Variants in RPS6KC1 observed in about 807,000 individuals in gnomAD.
RPS6KC1 encodes the protein inactive ribosomal protein S6 kinase delta-1.
Under a neutral mutation model 103.8 loss-of-function variants are expected in RPS6KC1, and 54 were observed. The observed-to-expected ratio is 0.52, with a 90% confidence interval of 0.42 to 0.65. The LOEUF (loss-of-function observed/expected upper bound fraction) is 0.65. Ranked by LOEUF, RPS6KC1 falls within the 30% of genes least tolerant of loss-of-function variation. RPS6KC1 has a pLI of 0.00. For missense variants in RPS6KC1, 1,151 were observed against 1,253.8 expected, an observed-to-expected ratio of 0.92 and a Z score of 1.24; for synonymous variants, 439 against 438.7, an observed-to-expected ratio of 1.00 and a Z score of -0.01.
the RPS6KC1 span, among the ~76,000 whole-genome samples, chr1:213,522,038 C>G: frequency 6.6e-6 from 1 of 152,202 alleles, no homozygotes; most frequent in Non-Finnish European, 1.5e-5. Context: ...TTACTTTCCC[C>G]AGATTCATCA....
At chr1:213,082,066 G>A (rs550841465) in intron 3 of RPS6KC1, among the ~76,000 whole-genome samples, 4 of 152,134 alleles carry the variant, frequency 2.6e-5, no homozygotes, top group Non-Finnish European at 5.9e-5. Flanking sequence ...AATGTGGAGT[G>A]GTTTTGAAAT....
the RPS6KC1 span, among the ~76,000 whole-genome samples, chr1:213,675,062 C>A: frequency 6.6e-6 from 1 of 152,132 alleles, no homozygotes; most frequent in Non-Finnish European, 1.5e-5. Flanking sequence ...GCATTGTTTG[C>A]AAATATTTTC....
At chr1:213,684,923 T>C in the RPS6KC1 span, among the ~76,000 whole-genome samples, 1 of 152,248 alleles carries the variant, frequency 6.6e-6, no homozygotes, top group Non-Finnish European at 1.5e-5. Flanking sequence ...GCTCAATTCA[T>C]TGGATTCTGC....
At chr1:213,135,852 T>C (rs1461985579) in intron 6 of RPS6KC1, among the ~76,000 whole-genome samples, 4 of 152,190 alleles carry the variant, frequency 2.6e-5, no homozygotes, top group Non-Finnish European at 5.9e-5. Context: ...GACTTACAGA[T>C]TCTCTGTTCT....
intron 8 of RPS6KC1, among the ~76,000 whole-genome samples, chr1:213,198,849 A>G (rs1005927433): frequency 2.0e-5 from 3 of 152,208 alleles, no homozygotes; most frequent in Non-Finnish European, 4.4e-5. Flanking sequence ...TGAGGCCAGC[A>G]TTATTCTATT....
the RPS6KC1 span, among the ~76,000 whole-genome samples, chr1:213,721,892 T>C: frequency 6.6e-6 from 1 of 152,166 alleles, no homozygotes; most frequent in African/African-American, 2.4e-5. Context: ...ACAACTGGTG[T>C]TGAAAGGCAG....
chr1:213,626,802 C>T, the RPS6KC1 span, among the ~76,000 whole-genome samples: 1 of 152,168 alleles, frequency 6.6e-6, no homozygotes, highest in African/African-American at 2.4e-5. Context: ...GTTTTGGTAC[C>T]AGTACCATGC....
chr1:213,192,445 A>G (rs917498439), intron 8 of RPS6KC1, among the ~76,000 whole-genome samples: 1 of 152,154 alleles, frequency 6.6e-6, no homozygotes, highest in Admixed American at 6.6e-5. Context: ...GAGTAGTTTC[A>G]GTAGGACTGG....
At position 213,179,822 on chromosome 1, in the gene RPS6KC1, CACT is replaced by C. The variant is rs1204676918; in HGVS notation, c.1044+3332_1044+3334del. ...ACAAAATTGTGTCTTTCTTGGTCAC[CACT>C]ATGTTCTCAGTACCTAGAATCGCTT... On this transcript the variant is annotated intron_variant, in intron 8 of 14. Transcript: ENST00000366960. Among the ~76,000 whole-genome samples, 7 of 152,224 alleles carry C rather than the reference CACT, an allele frequency of 4.6e-5. No individual in the cohort carries two copies. In the East Asian group the frequency reaches 1.3e-3, roughly 29 times the overall value.
the RPS6KC1 span, among the ~76,000 whole-genome samples, chr1:213,445,904 T>C: frequency 6.6e-6 from 1 of 152,150 alleles, no homozygotes; most frequent in Non-Finnish European, 1.5e-5. Flanking sequence ...CTCCATTCTA[T>C]AGACTGAGAA....
At chr1:213,839,255 A>C in the RPS6KC1 span, among the ~76,000 whole-genome samples, 1 of 152,240 alleles carries the variant, frequency 6.6e-6, no homozygotes, top group Admixed American at 6.5e-5. Context: ...TCAGAGGAGA[A>C]GGAGATGCAC....
intron 5 of RPS6KC1, among the ~76,000 whole-genome samples, chr1:213,118,157 T>TA (rs1312470047): frequency 6.6e-6 from 1 of 152,022 alleles, no homozygotes; most frequent in Non-Finnish European, 1.5e-5. Context: ...ATGTTTTTGA[T>TA]ATGTTTTTAA....
At chr1:213,269,505 AG>A (rs1322364896) in intron 14 of RPS6KC1, among the ~76,000 whole-genome samples, 1 of 151,812 alleles carries the variant, frequency 6.6e-6, no homozygotes, top group East Asian at 1.9e-4. Context: ...ACAATCTCCA[AG>A]ATAGATCACA....
At position 213,113,379 on chromosome 1, in the gene RPS6KC1, T is replaced by G. The variant is rs555236061; in HGVS notation, c.379-3938T>G. On this transcript the variant is annotated intron_variant, in intron 4 of 14. Coordinates refer to ENST00000366960, the MANE Select transcript of RPS6KC1 (RefSeq NM_012424.6). ...ATGTCTTCTTTTGAGAAGTGTCTGT[T>G]CTTGTCCTTCGCCCACTTTTTGATG... Among the ~76,000 whole-genome samples, 1,059 of 152,316 alleles carry G rather than the reference T, an allele frequency of 7.0e-3. 14 individuals carry two copies. Among genetic ancestry groups the G allele is most frequent in the African/African-American group, 0.024 (1,003 of 41,542 alleles).
At chr1:213,573,359 G>A in the RPS6KC1 span, among the ~76,000 whole-genome samples, 93 of 152,312 alleles carry the variant, frequency 6.1e-4, no homozygotes, top group Non-Finnish European at 9.1e-4. Flanking sequence ...TAAGGATGAG[G>A]GGTGATGATA....
chr1:213,430,146 G>A, the RPS6KC1 span, among the ~76,000 whole-genome samples: 6 of 152,266 alleles, frequency 3.9e-5, no homozygotes, highest in East Asian at 1.2e-3. Flanking sequence ...TCAGGTAAGA[G>A]GCTTGTCAAA....
At chr1:213,142,294 T>C (rs1038744569) in intron 6 of RPS6KC1, among the ~76,000 whole-genome samples, 2 of 152,048 alleles carry the variant, frequency 1.3e-5, no homozygotes, top group African/African-American at 4.8e-5. Flanking sequence ...CTCTTGAAGA[T>C]AGGATATAGT....
the RPS6KC1 span, among the ~76,000 whole-genome samples, chr1:213,299,770 A>T: frequency 6.6e-6 from 1 of 152,146 alleles, no homozygotes; most frequent in Non-Finnish European, 1.5e-5. Flanking sequence ...TTTCATACTT[A>T]CAACACAGCT....
At chr1:213,285,507 A>C in the RPS6KC1 span, among the ~76,000 whole-genome samples, 6 of 152,354 alleles carry the variant, frequency 3.9e-5, no homozygotes, top group Non-Finnish European at 8.8e-5. Context: ...TACCTGTAGA[A>C]ATATGACTAA....
Sources: gnomAD v4.1 joint callset for allele counts (sites outside exome capture counted in the v4.1 genomes callset) on GRCh38, gnomAD v4.1.1 for gene constraint, MANE v1.5 for transcripts, NCBI Gene and HGNC (gene_info 2026-07-23, HGNC 2026-07-21) for gene names.